Variants in PCDHA4 observed in about 807,000 individuals in gnomAD.
PCDHA4 encodes the protein protocadherin alpha-4.
PCDHA4 carries 49 observed loss-of-function variants against 61.4 expected under a neutral mutation model. The ratio of observed to expected loss-of-function variants is 0.80; its 90% CI spans 0.63 to 1.01. The LOEUF (loss-of-function observed/expected upper bound fraction) is 1.01, where lower values mean the gene tolerates loss of function less well. PCDHA4 is among the 50% of genes least tolerant of loss of function. The pLI is 0.00. For missense variants in PCDHA4, 1,254 were observed against 1,235.8 expected (o/e 1.01, Z -0.22); for synonymous variants, 590 against 550.3 (o/e 1.07, Z -1.01).
At chr5:140,938,835 CA>C (rs2092222540) in intron 1 of PCDHA4, among the ~76,000 whole-genome samples, 1 of 152,008 alleles carries the variant, frequency 6.6e-6, no homozygotes, top group African/African-American at 2.4e-5. Flanking sequence ...TGCGTTATAA[CA>C]AACCTGCCCA....
At chr5:140,877,403 G>A (rs199806507) in intron 1 of PCDHA4, 243 of 1,613,770 alleles carry the variant, frequency 1.5e-4, no homozygotes, top group Non-Finnish European at 1.9e-4. Flanking sequence ...GACGCTCCGC[G>A]CCACCGCCTG....
intron 1 of PCDHA4, chr5:140,824,323 T>A: frequency 1.4e-6 from 1 of 698,316 alleles, no homozygotes; most frequent in South Asian, 1.9e-5. Context: ...ATCAGCTTTC[T>A]GTGATATTAA....
intron 1 of PCDHA4, among the ~76,000 whole-genome samples, chr5:140,937,469 T>C (rs1322050073): frequency 6.6e-6 from 1 of 152,210 alleles, no homozygotes; most frequent in Non-Finnish European, 1.5e-5. Flanking sequence ...ATACAAAAAT[T>C]AGCTGGACAT....
rs1554135944 is a variant in PCDHA4 at position 140,836,422 on chromosome 5, C to G, written c.2385+26850C>G. The G allele has an allele frequency of 1.2e-6, 2 of 1,613,670 alleles. No individual in the cohort carries two copies. The highest frequency in any genetic ancestry group is 2.7e-5 in the African/African-American group (2 of 74,856). On this transcript the variant is annotated intron_variant, in intron 1 of 3. Transcript: ENST00000530339. ...AGCGGCCAGGCACCAAAGGCGTCGT[C>G]GCGGGCATCGTTGGGCATTGCAGGC...
At chr5:140,841,722 G>T in intron 1 of PCDHA4, 1 of 1,613,870 alleles carries the variant, frequency 6.2e-7, no homozygotes, top group Non-Finnish European at 8.5e-7. Flanking sequence ...CCAGTGTTCC[G>T]GGTAAAAGAC....
rs1279167584 is a variant in PCDHA4, at chr5:140,807,350, G to A, written c.163G>A (p.Glu55Lys). 1 of 1,612,304 alleles carries A rather than the reference G, an allele frequency of 6.2e-7. No individual in the cohort carries two copies. ...VGRIAQDLGL[E>K]LAELVPRLFR... ...CCGCATCGCGCAGGACCTGGGACTG[G>A]AGCTGGCGGAGCTGGTGCCGCGCCT... is the stretch of plus-strand genomic sequence containing the variant. The change falls in exon 1 of 4, where the codon GAG (glutamate) becomes AAG (lysine). Residue 55 changes from glutamate (E) to lysine (K), a missense_variant. Glu to Lys is a moderately conservative substitution (Grantham distance 56, BLOSUM62 1). Transcript: ENST00000530339.
At chr5:140,967,954 C>T in intron 1 of PCDHA4, 1 of 1,614,208 alleles carries the variant, frequency 6.2e-7, no homozygotes, top group Non-Finnish European at 8.5e-7. Flanking sequence ...ACTCAGGCCC[C>T]AACCGGAAAG....
At chr5:140,827,775 G>T (rs1350103739) in intron 1 of PCDHA4, among the ~76,000 whole-genome samples, 1 of 152,106 alleles carries the variant, frequency 6.6e-6, no homozygotes, top group Non-Finnish European at 1.5e-5. Flanking sequence ...AAAGAAGTCG[G>T]GATAACACTG....
rs1554262808 is a variant in PCDHA4, at chr5:141,010,232, A to T, written c.*295A>T. On this transcript the variant is annotated 3_prime_UTR_variant, in exon 4 of 4. Coordinates refer to ENST00000530339, the MANE Select transcript of PCDHA4 (RefSeq NM_018907.4). ...AAAGGAGAGGCTTCCCAGCCCCGCC[A>T]GTGAGAGGTTGGACTCTCTGCCCTG... 6.4e-7 allele frequency: 1 copy of T among 1,551,952 alleles called. No homozygotes were observed. The highest frequency in any genetic ancestry group is 2.0e-5 in the Admixed American group (1 of 51,018).
At chr5:140,994,726 G>A (rs774837274) in intron 3 of PCDHA4, among the ~76,000 whole-genome samples, 1 of 151,958 alleles carries the variant, frequency 6.6e-6, no homozygotes, top group Non-Finnish European at 1.5e-5. Flanking sequence ...TAAAATACTG[G>A]GTATTGCAGG....
At chr5:140,997,986 A>C (rs1554256110) in intron 3 of PCDHA4, among the ~76,000 whole-genome samples, 2 of 152,186 alleles carry the variant, frequency 1.3e-5, no homozygotes, top group African/African-American at 4.8e-5. Flanking sequence ...CACTTGTTAC[A>C]TACTTCCCTC....
At chr5:140,826,384 G>T (rs1040269043) in intron 1 of PCDHA4, among the ~76,000 whole-genome samples, 1 of 152,088 alleles carries the variant, frequency 6.6e-6, no homozygotes, top group Non-Finnish European at 1.5e-5. Context: ...TCAGTGATAA[G>T]AACTACTAAA....
At chr5:140,912,844 C>T (rs960802369) in intron 1 of PCDHA4, among the ~76,000 whole-genome samples, 16 of 152,150 alleles carry the variant, frequency 1.1e-4, no homozygotes, top group Admixed American at 2.6e-4. Context: ...AATGCTTTTT[C>T]AGCATCAATT....
At chr5:140,855,952 A>AT in intron 1 of PCDHA4, 1 of 1,380,786 alleles carries the variant, frequency 7.2e-7, no homozygotes, top group South Asian at 1.4e-5. Flanking sequence ...AGCCATTTCG[A>AT]TAAAAAATAG....
At chr5:140,857,797 G>A (rs371795952) in intron 1 of PCDHA4, 2 of 1,597,708 alleles carry the variant, frequency 1.3e-6, no homozygotes, top group Middle Eastern at 1.7e-4. Flanking sequence ...TGCTGCGGTC[G>A]GTGGTTGCGG....
At chr5:140,968,715 A>T (rs2096265469) in intron 1 of PCDHA4, 1 of 1,614,014 alleles carries the variant, frequency 6.2e-7, no homozygotes, top group South Asian at 1.1e-5. Flanking sequence ...AAGATGGGAG[A>T]TGAGAGTGGT....
chr5:140,810,807 C>CT (rs1385124401), intron 1 of PCDHA4: 5 of 151,708 alleles, frequency 3.3e-5, no homozygotes, highest in African/African-American at 4.8e-5. Context: ...GTTTTTAATT[C>CT]TTTTTTGTCT....
chr5:140,939,710 T>A (rs1317905162), intron 1 of PCDHA4, among the ~76,000 whole-genome samples: 8 of 152,230 alleles, frequency 5.3e-5, no homozygotes, highest in Non-Finnish European at 1.2e-4. Context: ...ATTTGTGAGA[T>A]ACATTTATAT....
At chr5:140,998,247 T>C (rs2097802911) in intron 3 of PCDHA4, among the ~76,000 whole-genome samples, 1 of 152,216 alleles carries the variant, frequency 6.6e-6, no homozygotes, top group Non-Finnish European at 1.5e-5. Flanking sequence ...ATTATACTCA[T>C]TTTACTGCTA....
Sources: gnomAD v4.1 joint callset for allele counts (sites outside exome capture counted in the v4.1 genomes callset) on GRCh38, gnomAD v4.1.1 for gene constraint, MANE v1.5 for transcripts, NCBI Gene and HGNC (gene_info 2026-07-23, HGNC 2026-07-21) for gene names.